Variants in TMEM131 observed in about 807,000 individuals in gnomAD.
TMEM131 encodes the protein 2610524E03Rik.
In TMEM131, 66 loss-of-function variants were observed where a neutral mutation model predicts 211.6. That is an observed-to-expected ratio of 0.31 (90% CI 0.26 to 0.38). TMEM131 has a LOEUF of 0.38. Among genes scored for constraint, TMEM131 ranks in the 10% least tolerant of loss-of-function variants. TMEM131 has a pLI of 1.00. For missense variants in TMEM131, 2,036 were observed against 2,299.3 expected, an observed-to-expected ratio of 0.89 and a Z score of 2.34; for synonymous variants, 844 against 841.3, an observed-to-expected ratio of 1.00 and a Z score of -0.06.
intron 2 of TMEM131, among the ~76,000 whole-genome samples, chr2:97,925,330 T>A (rs1676937351): frequency 6.6e-6 from 1 of 152,212 alleles, no homozygotes; most frequent in South Asian, 2.1e-4. Flanking sequence ...AGGATGGGAA[T>A]GATGGTTTGA....
intron 31 of TMEM131, among the ~76,000 whole-genome samples, chr2:97,790,232 C>T (rs1680437918): frequency 6.6e-6 from 1 of 152,128 alleles, no homozygotes; most frequent in South Asian, 2.1e-4. Context: ...TTTGCAACCC[C>T]AAGATCAATG....
chr2:97,964,480 A>C (rs1267464603), intron 1 of TMEM131, among the ~76,000 whole-genome samples: 1 of 152,258 alleles, frequency 6.6e-6, no homozygotes, highest in Non-Finnish European at 1.5e-5. Context: ...TAAAACAGTC[A>C]AATAAATATT....
At chr2:97,791,131 G>A (rs951334436) in intron 31 of TMEM131, among the ~76,000 whole-genome samples, 2 of 152,258 alleles carry the variant, frequency 1.3e-5, no homozygotes, top group Non-Finnish European at 2.9e-5. Flanking sequence ...AGCTCAGGCT[G>A]TGAAGGGATG....
chr2:97,867,885 G>A (rs1674335272), intron 4 of TMEM131, among the ~76,000 whole-genome samples: 1 of 152,148 alleles, frequency 6.6e-6, no homozygotes, highest in Non-Finnish European at 1.5e-5. Flanking sequence ...ATAGGTTGTA[G>A]CCCAAATGCC....
chr2:97,964,922 G>C (rs1268177204), intron 1 of TMEM131, among the ~76,000 whole-genome samples: 1 of 152,046 alleles, frequency 6.6e-6, no homozygotes, highest in African/African-American at 2.4e-5. Context: ...ATTCTTTTTT[G>C]TGGGAAAGAG....
At chr2:97,886,931 G>A (rs1675185580) in intron 4 of TMEM131, among the ~76,000 whole-genome samples, 1 of 152,256 alleles carries the variant, frequency 6.6e-6, no homozygotes, top group Non-Finnish European at 1.5e-5. Flanking sequence ...GGGACATATA[G>A]GAGCCCGCTG....
chr2:97,770,497 G>T (rs1275891717), intron 33 of TMEM131, among the ~76,000 whole-genome samples: 2 of 152,224 alleles, frequency 1.3e-5, no homozygotes, highest in African/African-American at 4.8e-5. Context: ...ACTGCCCCTT[G>T]ACTAGGCGGT....
intron 1 of TMEM131, among the ~76,000 whole-genome samples, chr2:97,980,425 C>T (rs1679735847): frequency 6.6e-6 from 1 of 152,132 alleles, no homozygotes; most frequent in South Asian, 2.1e-4. Context: ...ACTGACCATA[C>T]CAAGCACTGG....
At chr2:97,773,914 T>G (rs573798863) in intron 32 of TMEM131, among the ~76,000 whole-genome samples, 5 of 152,270 alleles carry the variant, frequency 3.3e-5, no homozygotes, top group Non-Finnish European at 5.9e-5. Flanking sequence ...ATCTGTGAAA[T>G]ACTGTGTTTA....
chr2:97,881,512 CTCTT>C (rs1263820244), intron 4 of TMEM131, among the ~76,000 whole-genome samples: 2 of 151,884 alleles, frequency 1.3e-5, no homozygotes, highest in African/African-American at 4.8e-5. Flanking sequence ...CTGGCTGTGA[CTCTT>C]TTTAGAGTAA....
chr2:97,774,051 T>C (rs868558536), intron 32 of TMEM131, among the ~76,000 whole-genome samples: 1 of 152,234 alleles, frequency 6.6e-6, no homozygotes, highest in African/African-American at 2.4e-5. Flanking sequence ...TTTATGATTA[T>C]GAAGACAGCC....
chr2:97,817,160 A>G (rs1681866402), intron 12 of TMEM131, among the ~76,000 whole-genome samples: 1 of 151,322 alleles, frequency 6.6e-6, no homozygotes, highest in Non-Finnish European at 1.5e-5. Context: ...ATTTATCTCA[A>G]GAAGGGAAAG....
At chr2:97,956,690 AT>A (rs968547277) in intron 1 of TMEM131, among the ~76,000 whole-genome samples, 5 of 126,252 alleles carry the variant, frequency 4.0e-5, no homozygotes, top group Admixed American at 1.5e-4. Context: ...TGTAAACTAG[AT>A]TTTTTTTTTA....
intron 1 of TMEM131, among the ~76,000 whole-genome samples, chr2:97,948,153 G>GA (rs1678131676): frequency 6.6e-6 from 1 of 151,012 alleles, no homozygotes; most frequent in South Asian, 2.1e-4. Flanking sequence ...ATACAAAAAA[G>GA]AAAAAAATCT....
In TMEM131 at chr2:97,766,615, C is replaced by T; in HGVS notation, c.4449-13G>A. 13 of 1,612,792 alleles carry T rather than the reference C, an allele frequency of 8.1e-6. No homozygotes were observed. Among genetic ancestry groups the T allele is most frequent in the Non-Finnish European group, 1.1e-5 (13 of 1,179,306 alleles). On this transcript the variant is annotated splice_polypyrimidine_tract_variant and intron_variant, in intron 33 of 40. Transcript: ENST00000186436. ...TAGTTCTAATGAACTGAAAGACAAT[C>T]AGGGATGGAAAATACAAATTTATTC...
At position 97,759,889 on chromosome 2, in the gene TMEM131, A is replaced by G. The variant is rs1573311288; in HGVS notation, c.5109-140T>C. ...AATATTAAAAACAGACAAAAGGAAGAGCTGAACAATGGCTGCTTACCACAA... is the reference window on the plus strand; with the variant it reads ...AATATTAAAAACAGACAAAAGGAAGGGCTGAACAATGGCTGCTTACCACAA... On this transcript the variant is annotated intron_variant, in intron 38 of 40. Transcript: ENST00000186436. 1.8e-5 allele frequency: 12 copies of G among 667,516 alleles called. No individual in the cohort carries two copies. In the East Asian group the frequency reaches 3.3e-4, roughly 18 times the overall value. The allele number at this position is 667,516 out of a possible 1,614,324, so 41.3% of individuals were successfully genotyped here.
At chr2:97,925,740 G>A (rs1359870931) in intron 2 of TMEM131, among the ~76,000 whole-genome samples, 1 of 152,026 alleles carries the variant, frequency 6.6e-6, no homozygotes, top group Non-Finnish European at 1.5e-5. Flanking sequence ...AAGAAAACAA[G>A]TCTAATCTTT....
intron 1 of TMEM131, among the ~76,000 whole-genome samples, chr2:97,994,512 TAACTCTAA>T (rs1298879672): frequency 6.6e-6 from 1 of 152,232 alleles, no homozygotes; most frequent in Non-Finnish European, 1.5e-5. Flanking sequence ...AGTAGAATGT[TAACTCTAA>T]AATTACCGTG....
intron 7 of TMEM131, among the ~76,000 whole-genome samples, chr2:97,839,303 G>T (rs1369277373): frequency 6.7e-6 from 1 of 150,166 alleles, no homozygotes; most frequent in African/African-American, 2.5e-5. Flanking sequence ...CTCCAGCCTG[G>T]TGTCTGGAAA....
Sources: allele counts gnomAD v4.1 joint callset (sites outside exome capture counted in the v4.1 genomes callset), GRCh38; gene constraint gnomAD v4.1.1; transcripts MANE v1.5; gene names NCBI Gene and HGNC (gene_info 2026-07-23, HGNC 2026-07-21).